The following RIPOR3 variants were observed in gnomAD, a reference collection of about 807,000 sequenced individuals.
RIPOR3 encodes RIPOR family member 3.
A neutral mutation model predicts 114.3 loss-of-function variants in RIPOR3; 95 were observed. The ratio of observed to expected loss-of-function variants is 0.83; its 90% CI spans 0.70 to 0.99. The LOEUF (loss-of-function observed/expected upper bound fraction) is 0.99. Among genes scored for constraint, RIPOR3 ranks in the 50% least tolerant of loss-of-function variants. The pLI is 0.00. For synonymous variants in RIPOR3, 575 were observed against 543.8 expected (o/e 1.06, Z -0.80); for missense variants, 1,252 against 1,266.9 (o/e 0.99, Z 0.18).
At chr20:50,685,455 T>C (rs2123633298) in intron 1 of RIPOR3, among the ~76,000 whole-genome samples, 1 of 151,642 alleles carries the variant, frequency 6.6e-6, no homozygotes, top group East Asian at 2.0e-4. Flanking sequence ...GACCTCGTGA[T>C]CCACGTGCCT....
At chr20:50,621,461 G>A (rs8122093) in intron 2 of RIPOR3, among the ~76,000 whole-genome samples, 23,096 of 152,132 alleles carry the variant, frequency 0.15, 2,569 homozygotes, top group African/African-American at 0.32. Flanking sequence ...ACATGCACAC[G>A]GGATTGTTTG....
At chr20:50,590,707 C>T (rs1413163931) in intron 19 of RIPOR3, among the ~76,000 whole-genome samples, 1 of 152,236 alleles carries the variant, frequency 6.6e-6, no homozygotes, top group Non-Finnish European at 1.5e-5. Context: ...TCATGGCAGC[C>T]TACTCCTTCC....
At chr20:50,625,372 G>A (rs2084582343) in intron 2 of RIPOR3, among the ~76,000 whole-genome samples, 1 of 152,180 alleles carries the variant, frequency 6.6e-6, no homozygotes. Context: ...ACGCCCGCCT[G>A]GCCTGCTCTT....
chr20:50,691,114 C>G lies in RIPOR3; in HGVS notation c.3+12G>C. On this transcript the variant is annotated intron_variant, in intron 1 of 21. Coordinates refer to ENST00000327979, the MANE Select transcript of RIPOR3 (RefSeq NM_001290268.2). ...TCACGGCACACATGGGGAGCAGTCA[C>G]TTCACACTCACCATCGAGCAGGTCT... 1 of 1,289,522 alleles carries G rather than the reference C, an allele frequency of 7.8e-7. No individual in the cohort carries two copies. Among genetic ancestry groups the G allele is most frequent in the Non-Finnish European group, 1.0e-6 (1 of 988,870 alleles). 79.9% of individuals were successfully genotyped at this position (1,289,522 alleles called of 1,614,324 possible). A position where few individuals can be genotyped will look rare whatever the true frequency, so the allele number is the denominator to read the frequency against.
At chr20:50,641,571 G>A (rs2085195523) in intron 1 of RIPOR3, among the ~76,000 whole-genome samples, 1 of 152,124 alleles carries the variant, frequency 6.6e-6, no homozygotes, top group South Asian at 2.1e-4. Flanking sequence ...AAGGGCCACT[G>A]CAGGCCAAGA....
chr20:50,597,802 A>G (rs2083350822), intron 13 of RIPOR3, 92 bp from the exon 14 acceptor site: 1 of 1,503,352 alleles, frequency 6.7e-7, no homozygotes, highest in Non-Finnish European at 8.9e-7. Context: ...GACTTGGGCA[A>G]TGTCCCGGTC....
rs997767964 is a variant in RIPOR3 at position 50,630,605 on chromosome 20, C to T, written c.122+133G>A. ...TCTCTCTCTCTCTCTCTCTCTGTCT[C>T]TCTCGGGCTGCAAGCCGGCCTGAGA... On this transcript the variant is annotated intron_variant, in intron 2 of 21. Transcript: ENST00000327979. 7.6e-5 allele frequency: 50 copies of T among 661,308 alleles called. No individual in the cohort carries two copies. The African/African-American group carries it at 9.0e-4, about 12-fold the overall frequency. 41.0% of individuals were successfully genotyped at this position (661,308 alleles called of 1,614,324 possible).
intron 12 of RIPOR3, among the ~76,000 whole-genome samples, chr20:50,604,304 T>C (rs965064644): frequency 2.6e-5 from 4 of 152,140 alleles, no homozygotes; most frequent in African/African-American, 9.7e-5. Flanking sequence ...GGGACCCTGA[T>C]CCATGGAGAT....
intron 3 of RIPOR3, among the ~76,000 whole-genome samples, chr20:50,618,252 C>G (rs976284051): frequency 5.1e-5 from 6 of 116,986 alleles, no homozygotes; most frequent in African/African-American, 2.1e-4. Context: ...GCCTGGGTGA[C>G]AGAGTGAGAC....
intron 1 of RIPOR3, among the ~76,000 whole-genome samples, chr20:50,678,688 G>A (rs1219081216): frequency 1.3e-5 from 2 of 152,186 alleles, no homozygotes; most frequent in Non-Finnish European, 2.9e-5. Context: ...GTCAAGGGAG[G>A]AAGAGTGGGG....
At chr20:50,589,977 G>T in intron 19 of RIPOR3, 1 of 509,754 alleles carries the variant, frequency 2.0e-6, no homozygotes, top group Non-Finnish European at 3.6e-6. Flanking sequence ...CCTAAAAACA[G>T]ATGCCAGGGC....
In RIPOR3 at chr20:50,590,365, A is replaced by G. The variant is rs149786712; in HGVS notation, c.2578-596T>C. ...GCACACAGGGTTATGCCCGGCCCGC[A>G]GTGGAGTCCAGCGTCTGCGGCTGCA... is the stretch of plus-strand genomic sequence containing the variant. On this transcript the variant is annotated intron_variant, in intron 19 of 21. Coordinates refer to ENST00000327979, the MANE Select transcript of RIPOR3 (RefSeq NM_001290268.2). Among the ~76,000 whole-genome samples, 675 of 152,336 alleles carry G rather than the reference A, an allele frequency of 4.4e-3. 2 individuals are homozygous for G. The highest frequency in any genetic ancestry group is 0.014 in the African/African-American group (581 of 41,578).
chr20:50,612,366 A>AT, intron 4 of RIPOR3, among the ~76,000 whole-genome samples: 2 of 152,076 alleles, frequency 1.3e-5, no homozygotes, highest in East Asian at 1.9e-4. Context: ...GTCAAGAAAC[A>AT]TTTTTTTAAA....
intron 11 of RIPOR3, among the ~76,000 whole-genome samples, 168 bp from the exon 12 acceptor site, chr20:50,604,942 A>G (rs1477027745): frequency 3.3e-5 from 5 of 152,170 alleles, no homozygotes; most frequent in Non-Finnish European, 5.9e-5. Context: ...CTTGTTTTTG[A>G]GACAGGGTCT....
At chr20:50,660,807 T>A (rs530803999) in intron 1 of RIPOR3, among the ~76,000 whole-genome samples, 51 of 132,968 alleles carry the variant, frequency 3.8e-4, no homozygotes, top group Non-Finnish European at 7.0e-4. Context: ...CAGGCTAGAG[T>A]GTAGTGGCAC....
rs60151515 is a variant in RIPOR3, at chr20:50,666,183, ATTTCTTTTCT to A, written c.3+24933_3+24942del. Among the ~76,000 whole-genome samples the A allele has an allele frequency of 1.3e-3, 55 of 43,772 alleles. 5 individuals are homozygous for A. Among genetic ancestry groups the A allele is most frequent in the African/African-American group, 2.8e-3 (52 of 18,708 alleles). The allele number at this position is 43,772 out of a possible 152,430, so 28.7% of individuals were successfully genotyped here. A position where few individuals can be genotyped will look rare whatever the true frequency, so the allele number is the denominator to read the frequency against. ...CCTAGAATACAGAGAAAGGACACCC[ATTTCTTTTCT>A]TTTCTTTTCTTTTCTTTTCTTTTCT... is the stretch of plus-strand genomic sequence containing the variant. On this transcript the variant is annotated intron_variant, in intron 1 of 21. Coordinates refer to ENST00000327979, the MANE Select transcript of RIPOR3 (RefSeq NM_001290268.2).
chr20:50,608,979 T>C, intron 8 of RIPOR3, 24 bp from the exon 9 acceptor site: 3 of 1,559,312 alleles, frequency 1.9e-6, no homozygotes, highest in Non-Finnish European at 2.6e-6. Context: ...ATGGCCGGTC[T>C]CCCCTCCGCC....
chr20:50,634,917 C>T (rs947952505), intron 1 of RIPOR3, among the ~76,000 whole-genome samples: 1 of 152,168 alleles, frequency 6.6e-6, no homozygotes, highest in Non-Finnish European at 1.5e-5. Context: ...CCTGTAGTCC[C>T]AGCTACTCTG....
intron 1 of RIPOR3, among the ~76,000 whole-genome samples, chr20:50,668,196 C>A (rs1202304984): frequency 6.6e-6 from 1 of 152,140 alleles, no homozygotes; most frequent in Non-Finnish European, 1.5e-5. Context: ...TTTCGCTGTG[C>A]ACAGGTGGGG....
Sources: allele counts gnomAD v4.1 joint callset (sites outside exome capture counted in the v4.1 genomes callset), GRCh38; gene constraint gnomAD v4.1.1; transcripts MANE v1.5; gene names NCBI Gene and HGNC (gene_info 2026-07-23, HGNC 2026-07-21).